The following JMJD1C variants were observed in gnomAD, a reference collection of about 807,000 sequenced individuals.
JMJD1C encodes the protein jumonji domain-containing protein 1C.
Under a neutral mutation model 245.3 loss-of-function variants are expected in JMJD1C, and 31 were observed. The ratio of observed to expected loss-of-function variants is 0.13; its 90% CI spans 0.09 to 0.17. The LOEUF is 0.17. Ranked by LOEUF, JMJD1C falls within the 10% of genes least tolerant of loss-of-function variation. The pLI is 1.00. For missense variants in JMJD1C, 2,691 were observed against 3,000.2 expected (o/e 0.90, Z 2.41); for synonymous variants, 1,057 against 1,017.4 (o/e 1.04, Z -0.74).
At chr10:63,258,229 CT>C (rs1854227149) in intron 3 of JMJD1C, among the ~76,000 whole-genome samples, 1 of 152,196 alleles carries the variant, frequency 6.6e-6, no homozygotes, top group African/African-American at 2.4e-5. Context: ...GCAGCTGAGA[CT>C]TTCCCAATGT....
chr10:63,401,207 C>G (rs1384788482), intron 1 of JMJD1C, among the ~76,000 whole-genome samples: 1 of 152,098 alleles, frequency 6.6e-6, no homozygotes, highest in Non-Finnish European at 1.5e-5. Context: ...TTTTTAACCT[C>G]TATTCTTTTC....
intron 1 of JMJD1C, among the ~76,000 whole-genome samples, chr10:63,506,632 A>C (rs1414951743): frequency 6.6e-6 from 1 of 152,134 alleles, no homozygotes; most frequent in Non-Finnish European, 1.5e-5. Flanking sequence ...AGACTGTTTT[A>C]GGGTCACAGC....
intron 2 of JMJD1C, among the ~76,000 whole-genome samples, chr10:63,329,915 T>A (rs1027401885): frequency 2.6e-5 from 4 of 152,198 alleles, no homozygotes; most frequent in Admixed American, 6.5e-5. Context: ...TTTGCTTTGT[T>A]TTTTGAGACG....
chr10:63,276,421 C>G (rs1469525164), intron 2 of JMJD1C, among the ~76,000 whole-genome samples: 3 of 150,320 alleles, frequency 2.0e-5, no homozygotes, highest in African/African-American at 7.4e-5. Flanking sequence ...AGCCGAGACC[C>G]CGCCACTGCA....
At chr10:63,484,285 AAGAC>A (rs1953924158) in intron 1 of JMJD1C, among the ~76,000 whole-genome samples, 1 of 151,916 alleles carries the variant, frequency 6.6e-6, no homozygotes, top group South Asian at 2.1e-4. Flanking sequence ...ATAGATAGAT[AAGAC>A]AGACAGATAA....
intron 2 of JMJD1C, among the ~76,000 whole-genome samples, chr10:63,347,392 C>T (rs989546199): frequency 6.7e-6 from 1 of 149,896 alleles, no homozygotes; most frequent in Non-Finnish European, 1.5e-5. Flanking sequence ...GACCAGCCTG[C>T]CCAGCATGGT....
intron 1 of JMJD1C, among the ~76,000 whole-genome samples, chr10:63,417,629 A>T (rs1241001862): frequency 1.3e-5 from 2 of 152,202 alleles, no homozygotes; most frequent in Admixed American, 1.3e-4. Flanking sequence ...TCATTTAAAA[A>T]TATGGTGAAA....
chr10:63,440,365 TAGAGAG>T lies in JMJD1C; in HGVS notation c.168+25124_168+25129del, dbSNP rs56364516. On this transcript the variant is annotated intron_variant, in intron 1 of 25. Transcript: ENST00000399262. The stretch of plus-strand genomic sequence containing the variant: ...GAAAAAAAAAAAAAATATATATATA[TAGAGAG>T]AGAGAGAGAGAGAGAGAGCGCAAGC... Among the ~76,000 whole-genome samples the T allele has an allele frequency of 3.4e-3, 469 of 138,264 alleles. 3 individuals carry two copies. Among genetic ancestry groups the T allele is most frequent in the African/African-American group, 8.1e-3 (304 of 37,542 alleles). 90.7% of individuals were successfully genotyped at this position (138,264 alleles called of 152,430 possible).
chr10:63,497,225 C>T (rs774373875), intron 1 of JMJD1C, among the ~76,000 whole-genome samples: 5 of 151,182 alleles, frequency 3.3e-5, no homozygotes, highest in Non-Finnish European at 7.4e-5. Flanking sequence ...AATATTTGTA[C>T]ATATATGTTC....
chr10:63,362,126 TA>T (rs1300081693), intron 2 of JMJD1C, among the ~76,000 whole-genome samples: 2 of 151,526 alleles, frequency 1.3e-5, no homozygotes, highest in Admixed American at 6.6e-5. Context: ...TCCCAGCTAC[TA>T]GGGGTGCTGA....
chr10:63,294,451 A>G (rs968620239), intron 2 of JMJD1C, among the ~76,000 whole-genome samples: 2 of 151,804 alleles, frequency 1.3e-5, no homozygotes, highest in South Asian at 2.1e-4. Context: ...ACACCCAGCT[A>G]ATTTTTGTAT....
intron 2 of JMJD1C, among the ~76,000 whole-genome samples, chr10:63,365,293 CCTTA>C (rs1945740160): frequency 6.6e-6 from 1 of 152,160 alleles, no homozygotes; most frequent in Non-Finnish European, 1.5e-5. Flanking sequence ...ACATCTGTCT[CCTTA>C]CTCTCTATAC....
rs771469900 is a variant in JMJD1C at position 63,337,617 on chromosome 10, A to AG, written c.333+42700dup. ...AGAAAAGAAAAGAAAAGAAAAGAAAAGAAAAGAAAAAGAAAAGAAAAAAAA... is the reference window on the plus strand; with the variant it reads ...AGAAAAGAAAAGAAAAGAAAAGAAAAGGAAAAGAAAAAGAAAAGAAAAAAAA... On this transcript the variant is annotated intron_variant, in intron 2 of 25. Transcript: ENST00000399262. Among the ~76,000 whole-genome samples the AG allele has an allele frequency of 6.5e-4, 45 of 69,752 alleles. 4 individuals are homozygous for AG. The African/African-American group carries it at 7.7e-3, about 12-fold the overall frequency. The allele number at this position is 69,752 out of a possible 152,430, so 45.8% of individuals were successfully genotyped here.
chr10:63,484,234 ATG>A (rs1491417601), intron 1 of JMJD1C, among the ~76,000 whole-genome samples: 7 of 35,276 alleles, frequency 2.0e-4, no homozygotes, highest in African/African-American at 4.4e-4. Context: ...GGATGGATGG[ATG>A]GATAGATAGA....
chr10:63,433,450 G>C (rs1950887636), intron 1 of JMJD1C, among the ~76,000 whole-genome samples: 2 of 151,914 alleles, frequency 1.3e-5, no homozygotes, highest in Non-Finnish European at 2.9e-5. Flanking sequence ...AGCAGCAATG[G>C]CTTAACTGTA....
At chr10:63,236,282 T>C (rs537128362) in intron 3 of JMJD1C, among the ~76,000 whole-genome samples, 4 of 152,338 alleles carry the variant, frequency 2.6e-5, no homozygotes, top group Non-Finnish European at 5.9e-5. Context: ...AGACCTGTAA[T>C]ATTCCTGCAT....
At position 63,168,076 on chromosome 10, in the gene JMJD1C, T is replaced by A; in HGVS notation, c.7592A>T (p.Glu2531Val). 6.2e-7 allele frequency: 1 copy of A among 1,604,162 alleles called. No homozygotes were observed. The highest frequency in any genetic ancestry group is 1.1e-5 in the South Asian group (1 of 90,838). The change falls in exon 26 of 26, where the codon GAG (glutamate) becomes GTG (valine). Residue 2531 changes from glutamate (E) to valine (V), a missense_variant. Glu to Val is a moderately radical substitution (Grantham distance 121, BLOSUM62 -2). Coordinates refer to ENST00000399262, the MANE Select transcript of JMJD1C (RefSeq NM_032776.3). ...KEMVRALKIH[E>V]DEVEDMEEN Reference sequence around the variant, plus strand: ...TTCTTCCATATCCTCTACTTCATCCTCGTGTATCTTCAAGGCTCTCACCAT... The same window carrying A: ...TTCTTCCATATCCTCTACTTCATCCACGTGTATCTTCAAGGCTCTCACCAT...
In JMJD1C at chr10:63,208,718, G is replaced by A; in HGVS notation, c.2951C>T (p.Ser984Leu). 1 of 1,613,850 alleles carries A rather than the reference G, an allele frequency of 6.2e-7. No individual in the cohort carries two copies. ...TAAGTGACAATCTTTTCCAGTCTGT[G>A]ACCTATTTAGATCCAGGTCATTTTT... ...SAKNDLDLNR[S>L]QTGKDCHLHR... Residue 984 changes from serine (S) to leucine (L), a missense_variant, in exon 10 of 26, where the codon TCA (serine) becomes TTA (leucine). Ser to Leu is a moderately radical substitution (Grantham distance 145). Transcript: ENST00000399262.
At chr10:63,519,076 T>C (rs1955118946) in intron 1 of JMJD1C, among the ~76,000 whole-genome samples, 1 of 152,212 alleles carries the variant, frequency 6.6e-6, no homozygotes, top group Non-Finnish European at 1.5e-5. Flanking sequence ...GTATAGCACA[T>C]AGTAGGTGGT....
Sources: gnomAD v4.1 joint callset for allele counts (sites outside exome capture counted in the v4.1 genomes callset) on GRCh38, gnomAD v4.1.1 for gene constraint, MANE v1.5 for transcripts, NCBI Gene and HGNC (gene_info 2026-07-23, HGNC 2026-07-21) for gene names.